EPHA4: variants seen among roughly 807,000 people sequenced by gnomAD.
The protein encoded by EPHA4 is EPH receptor A4.
EPHA4 carries 19 observed loss-of-function variants against 108.3 expected under a neutral mutation model. That is an observed-to-expected ratio of 0.18 (90% CI 0.12 to 0.26). EPHA4 has a LOEUF of 0.26. Ranked by LOEUF, EPHA4 falls within the 10% of genes least tolerant of loss-of-function variation. EPHA4 has a pLI of 1.00. For synonymous variants in EPHA4, 449 were observed against 455.5 expected (o/e 0.99, Z 0.18); for missense variants, 917 against 1,254.0 (o/e 0.73, Z 4.06).
At chr2:221,565,147 T>C (rs982731344) in intron 2 of EPHA4, among the ~76,000 whole-genome samples, 5 of 152,166 alleles carry the variant, frequency 3.3e-5, no homozygotes, top group Admixed American at 2.0e-4. Flanking sequence ...ACAGACATGC[T>C]TTGCTTCTAA....
intron 3 of EPHA4, among the ~76,000 whole-genome samples, chr2:221,533,159 AATG>A (rs565870537): frequency 1.0e-3 from 157 of 152,328 alleles, no homozygotes; most frequent in Non-Finnish European, 1.2e-3. Flanking sequence ...TTGGCATAAA[AATG>A]ATGGGAAAGT....
At chr2:221,437,800 G>A (rs1193211285) in intron 11 of EPHA4, among the ~76,000 whole-genome samples, 1 of 151,676 alleles carries the variant, frequency 6.6e-6, no homozygotes, top group African/African-American at 2.4e-5. Flanking sequence ...GCAGGCGCCT[G>A]TAATCCCAGC....
At chr2:221,564,701 A>T (rs918098100) in intron 2 of EPHA4, among the ~76,000 whole-genome samples, 1 of 152,040 alleles carries the variant, frequency 6.6e-6, no homozygotes, top group African/African-American at 2.4e-5. Context: ...TTCACCTATT[A>T]CAACAGCTAC....
intron 9 of EPHA4, among the ~76,000 whole-genome samples, chr2:221,445,555 A>G (rs1011627551): frequency 2.1e-5 from 3 of 143,504 alleles, no homozygotes; most frequent in Non-Finnish European, 4.5e-5. Flanking sequence ...ATGCCAGTGC[A>G]CTCCAGCCTG....
intron 10 of EPHA4, 57 bp downstream of exon 10, chr2:221,443,436 T>C: frequency 7.9e-7 from 1 of 1,272,448 alleles, no homozygotes; most frequent in Admixed American, 1.7e-5. Flanking sequence ...TCCACACACA[T>C]ATTTAACATC....
At chr2:221,431,554 G>A (rs1333990100) in intron 14 of EPHA4, among the ~76,000 whole-genome samples, 1 of 152,150 alleles carries the variant, frequency 6.6e-6, no homozygotes, top group Non-Finnish European at 1.5e-5. Flanking sequence ...ACTTCTCTAT[G>A]CTGTCTTATT....
chr2:221,464,853 G>A (rs914710601), intron 5 of EPHA4, among the ~76,000 whole-genome samples: 1 of 151,930 alleles, frequency 6.6e-6, no homozygotes, highest in Admixed American at 6.6e-5. Context: ...AAAACAAACC[G>A]GCAAAAGGTA....
At chr2:221,544,178 C>T (rs895434346) in intron 3 of EPHA4, among the ~76,000 whole-genome samples, 1 of 152,148 alleles carries the variant, frequency 6.6e-6, no homozygotes, top group Non-Finnish European at 1.5e-5. Context: ...CATATAAATT[C>T]GAAGGGGGCA....
intron 3 of EPHA4, among the ~76,000 whole-genome samples, chr2:221,551,502 A>C (rs1429175463): frequency 6.6e-6 from 1 of 152,156 alleles, no homozygotes; most frequent in Non-Finnish European, 1.5e-5. Context: ...ATGGTTCTCT[A>C]GAAGAAAGAT....
chr2:221,455,475 G>A (rs943370850), intron 8 of EPHA4, 72 bp downstream of exon 8: 9 of 1,181,206 alleles, frequency 7.6e-6, no homozygotes, highest in Non-Finnish European at 1.0e-5. Context: ...TTAGCTTTGT[G>A]TGGAAGAGAA....
intron 11 of EPHA4, among the ~76,000 whole-genome samples, chr2:221,438,796 A>G (rs1690326074): frequency 8.4e-6 from 1 of 119,268 alleles, no homozygotes; most frequent in Non-Finnish European, 1.7e-5. Flanking sequence ...AAAAATAAAA[A>G]TAAAAAAAAT....
chr2:221,526,616 G>T (rs1693331465), intron 3 of EPHA4, among the ~76,000 whole-genome samples: 1 of 151,822 alleles, frequency 6.6e-6, no homozygotes, highest in African/African-American at 2.4e-5. Context: ...GGAGGCCGAG[G>T]TGGGCGGGTC....
At position 221,450,242 on chromosome 2, in the gene EPHA4, C is replaced by T. The variant is rs151201552; in HGVS notation, c.1716-4061G>A. ...TGGCCAACATGGTGAAACCCCATCT[C>T]TATTAAAAATACAAAAATTAACCAG... is the stretch of plus-strand genomic sequence containing the variant. On this transcript the variant is annotated intron_variant, in intron 8 of 17. Coordinates refer to ENST00000281821, the MANE Select transcript of EPHA4 (RefSeq NM_004438.5). Among the ~76,000 whole-genome samples, 583 of 152,308 alleles carry T rather than the reference C, an allele frequency of 3.8e-3. 4 individuals are homozygous for T. The highest frequency in any genetic ancestry group is 6.3e-3 in the Non-Finnish European group (431 of 68,022).
At chr2:221,456,814 A>C (rs1177048476) in intron 6 of EPHA4, 42 bp from the exon 7 acceptor site, 3 of 1,608,674 alleles carry the variant, frequency 1.9e-6, no homozygotes, top group South Asian at 2.2e-5. Context: ...TGGCAAAATA[A>C]ATCTCCTGCT....
intron 3 of EPHA4, among the ~76,000 whole-genome samples, chr2:221,520,864 G>A (rs1380459885): frequency 2.0e-5 from 3 of 152,076 alleles, no homozygotes. Context: ...TGCACTTTTA[G>A]CATGAATTTT....
chr2:221,455,513 CG>C, intron 8 of EPHA4, 33 bp downstream of exon 8: 2 of 1,507,084 alleles, frequency 1.3e-6, no homozygotes, highest in Non-Finnish European at 1.8e-6. Context: ...CTGGGAAGGT[CG>C]GGGGCTGCAC....
chr2:221,492,853 T>C (rs1247116215), intron 4 of EPHA4, among the ~76,000 whole-genome samples: 1 of 152,192 alleles, frequency 6.6e-6, no homozygotes, highest in Non-Finnish European at 1.5e-5. Flanking sequence ...GGAGTTGGTG[T>C]CTCAATCTGA....
intron 3 of EPHA4, among the ~76,000 whole-genome samples, chr2:221,547,817 G>C (rs1568359): frequency 1.3e-5 from 2 of 151,958 alleles, no homozygotes. Context: ...CCATCATTTC[G>C]TGCCCTGGCC....
At chr2:221,429,630 C>T (rs1690012950) in intron 15 of EPHA4, among the ~76,000 whole-genome samples, 2 of 152,166 alleles carry the variant, frequency 1.3e-5, no homozygotes, top group Admixed American at 1.3e-4. Context: ...ACCTACTGAT[C>T]TGAACGTCTT....
Sources: allele counts gnomAD v4.1 joint callset (sites outside exome capture counted in the v4.1 genomes callset), GRCh38; gene constraint gnomAD v4.1.1; transcripts MANE v1.5; gene names NCBI Gene and HGNC (gene_info 2026-07-23, HGNC 2026-07-21).